Variants in ASAP2 observed in about 807,000 individuals in gnomAD.
ASAP2 encodes the protein arf-GAP with SH3 domain, ANK repeat and PH domain-containing protein 2.
ASAP2 carries 45 observed loss-of-function variants against 131.4 expected under a neutral mutation model. The observed-to-expected ratio is 0.34, with a 90% confidence interval of 0.27 to 0.44. The LOEUF (loss-of-function observed/expected upper bound fraction) is 0.44, where lower values mean the gene tolerates loss of function less well. Among genes scored for constraint, ASAP2 ranks in the 20% least tolerant of loss-of-function variants. ASAP2 has a pLI of 1.00. For missense variants in ASAP2, 1,011 were observed against 1,297.0 expected (o/e 0.78, Z 3.39); for synonymous variants, 510 against 503.0 (o/e 1.01, Z -0.19).
chr2:9,394,922 C>T (rs1424478667), intron 24 of ASAP2, among the ~76,000 whole-genome samples: 1 of 152,158 alleles, frequency 6.6e-6, no homozygotes, highest in Non-Finnish European at 1.5e-5. Context: ...CTCTTCACGC[C>T]CCCCGTGGTA....
chr2:9,263,796 A>G (rs62121272), intron 1 of ASAP2, among the ~76,000 whole-genome samples: 2,847 of 152,294 alleles, frequency 0.019, 28 homozygotes, highest in Non-Finnish European at 0.029. Flanking sequence ...CACTTCAGGC[A>G]CAGTTGACGG....
chr2:9,221,712 C>A (rs1042534712), intron 1 of ASAP2, among the ~76,000 whole-genome samples: 4 of 151,998 alleles, frequency 2.6e-5, no homozygotes, highest in Non-Finnish European at 2.9e-5. Flanking sequence ...TATGTGTATT[C>A]CTTAGGATTT....
rs74450979 is a variant in ASAP2, at chr2:9,350,598, T to G, written c.1024-210T>G. The G allele has an allele frequency of 1.5e-3, 726 of 473,146 alleles. 4 individuals are homozygous for G. The highest frequency in any genetic ancestry group is 0.013 in the African/African-American group (659 of 52,150). The allele number at this position is 473,146 out of a possible 1,614,324, so 29.3% of individuals were successfully genotyped here. A position where few individuals can be genotyped will look rare whatever the true frequency, so the allele number is the denominator to read the frequency against. On this transcript the variant is annotated intron_variant, in intron 11 of 27. Coordinates refer to ENST00000281419, the MANE Select transcript of ASAP2 (RefSeq NM_003887.3). ...TTTGTGTAGACCACCAAGGTGCCCT[T>G]GCAGGGAGGCAGTTGCCCTCTGTGG...
At chr2:9,391,026 G>A in intron 22 of ASAP2, 36 bp from the exon 23 acceptor site, 2 of 1,613,788 alleles carry the variant, frequency 1.2e-6, no homozygotes, top group Non-Finnish European at 1.7e-6. Context: ...GTGTATGTGT[G>A]CGTGCATGCG....
At chr2:9,272,001 A>C (rs2148267609) in intron 1 of ASAP2, among the ~76,000 whole-genome samples, 1 of 152,166 alleles carries the variant, frequency 6.6e-6, no homozygotes, top group Non-Finnish European at 1.5e-5. Context: ...GCCATTGTGA[A>C]CAGTGCTGCA....
At chr2:9,208,807 A>C (rs1661331165) in intron 1 of ASAP2, among the ~76,000 whole-genome samples, 2 of 152,224 alleles carry the variant, frequency 1.3e-5, no homozygotes, top group South Asian at 4.1e-4. Flanking sequence ...TGTTTATGGA[A>C]TGATTGCAAC....
chr2:9,323,730 C>CGG (rs1273385550), intron 6 of ASAP2, among the ~76,000 whole-genome samples: 1 of 152,114 alleles, frequency 6.6e-6, no homozygotes. Flanking sequence ...CCTGCTCAGG[C>CGG]GGGGGCACTC....
At chr2:9,358,218 CT>C (rs1340869472) in intron 14 of ASAP2, among the ~76,000 whole-genome samples, 1 of 152,224 alleles carries the variant, frequency 6.6e-6, no homozygotes, top group African/African-American at 2.4e-5. Context: ...CAAAAGTGCT[CT>C]GTGATTGCTG....
At chr2:9,359,924 C>T (rs1410983123) in intron 15 of ASAP2, among the ~76,000 whole-genome samples, 1 of 152,202 alleles carries the variant, frequency 6.6e-6, no homozygotes, top group African/African-American at 2.4e-5. Context: ...CTAAGCTAGA[C>T]TCACTTAAAA....
At chr2:9,347,538 G>A (rs1396567537) in intron 11 of ASAP2, among the ~76,000 whole-genome samples, 3 of 152,198 alleles carry the variant, frequency 2.0e-5, no homozygotes, top group Admixed American at 1.3e-4. Flanking sequence ...CACACAGGGT[G>A]TATTTACACT....
rs1394971935 is a variant in ASAP2, at chr2:9,232,803, G to A, written c.126+25573G>A. Among the ~76,000 whole-genome samples the A allele has an allele frequency of 2.6e-5, 4 of 152,180 alleles. No homozygotes were observed. The highest frequency in any genetic ancestry group is 5.9e-5 in the Non-Finnish European group (4 of 68,036). On this transcript the variant is annotated intron_variant, in intron 1 of 27. Transcript: ENST00000281419. The surrounding 1 kb of genome is among the most constrained non-coding windows in gnomAD (Gnocchi z 4.1). Reference sequence around the variant, plus strand: ...TAGAAAGCTTGTTTCTCTGGCCATGGGGACTTGATTCTTAGAGGGTAATGG... The same window carrying A: ...TAGAAAGCTTGTTTCTCTGGCCATGAGGACTTGATTCTTAGAGGGTAATGG...
In ASAP2 at chr2:9,400,814, C is replaced by T; in HGVS notation, c.2807C>T (p.Pro936Leu). Residue 936 changes from proline (P) to leucine (L), a missense_variant, in exon 26 of 28, where the codon CCT becomes CTT. By Grantham distance (98) the Pro-to-Leu change is moderately conservative. Transcript: ENST00000281419. Reference sequence around the variant, plus strand: ...GTCCTGCAGCCCCCTGCACCCATGCCTAGGAAGTCGCAGGCAGTAAGTGAC... The same window carrying T: ...GTCCTGCAGCCCCCTGCACCCATGCTTAGGAAGTCGCAGGCAGTAAGTGAC... ...AMVLQPPAPM[P>L]RKSQATKLKP... 1 of 1,613,556 alleles carries T rather than the reference C, an allele frequency of 6.2e-7. No homozygotes were observed.
intron 11 of ASAP2, 28 bp from the exon 12 acceptor site, chr2:9,350,780 T>A (rs749316058): frequency 3.1e-6 from 5 of 1,599,414 alleles, no homozygotes; most frequent in Non-Finnish European, 4.3e-6. Context: ...AACCCCAACC[T>A]TTTTTGTTGT....
At chr2:9,367,208 A>C (rs1341387566) in intron 15 of ASAP2, among the ~76,000 whole-genome samples, 1 of 151,098 alleles carries the variant, frequency 6.6e-6, no homozygotes, top group African/African-American at 2.4e-5. Flanking sequence ...TTTCTTTTGT[A>C]TTTTAGTAGA....
In ASAP2 at chr2:9,224,430, G is replaced by A. The variant is rs185062615; in HGVS notation, c.126+17200G>A. Among the ~76,000 whole-genome samples the A allele has an allele frequency of 5.9e-4, 90 of 152,266 alleles. 1 individual carries two copies. Among genetic ancestry groups the A allele is most frequent in the African/African-American group, 2.0e-3 (82 of 41,562 alleles). ...AATTCTCAGAAAATGTTTGTTGATT[G>A]TCAAGGTCCAGCTAATCTTGTTGAT... On this transcript the variant is annotated intron_variant, in intron 1 of 27. Coordinates refer to ENST00000281419, the MANE Select transcript of ASAP2 (RefSeq NM_003887.3).
At chr2:9,367,477 C>T (rs901254328) in intron 15 of ASAP2, among the ~76,000 whole-genome samples, 4 of 152,144 alleles carry the variant, frequency 2.6e-5, no homozygotes, top group Non-Finnish European at 2.9e-5. Flanking sequence ...AGAATCTGAC[C>T]TGGCCAGGCG....
In ASAP2 at chr2:9,405,671, TA is replaced by T. The variant is rs1184424646; in HGVS notation, c.*2347del. ...TGACTGGAAAAAAATAAAATACTTT[TA>T]AATGGACATGGTTTTATTTTTAATG... is the stretch of plus-strand genomic sequence containing the variant. On this transcript the variant is annotated 3_prime_UTR_variant, in exon 28 of 28. Coordinates refer to ENST00000281419, the MANE Select transcript of ASAP2 (RefSeq NM_003887.3). 1 of 152,680 alleles carries T rather than the reference TA, an allele frequency of 6.5e-6. No individual in the cohort carries two copies. The highest frequency in any genetic ancestry group is 1.5e-5 in the Non-Finnish European group (1 of 68,038). 9.5% of individuals were successfully genotyped at this position (152,680 alleles called of 1,614,324 possible).
At chr2:9,272,138 G>A (rs1388703305) in intron 1 of ASAP2, among the ~76,000 whole-genome samples, 2 of 152,114 alleles carry the variant, frequency 1.3e-5, no homozygotes, top group African/African-American at 4.8e-5. Flanking sequence ...CCTCCATACT[G>A]TTCTCCATAG....
At chr2:9,301,723 C>CATGAG (rs1214428329) in intron 3 of ASAP2, among the ~76,000 whole-genome samples, 2 of 151,926 alleles carry the variant, frequency 1.3e-5, no homozygotes, top group African/African-American at 4.8e-5. Flanking sequence ...AGAGTTGCAG[C>CATGAG]ATGAGATCTG....
Sources: gnomAD v4.1 joint callset for allele counts (sites outside exome capture counted in the v4.1 genomes callset) on GRCh38, gnomAD v4.1.1 for gene constraint, Gnocchi (gnomAD v3.1) non-coding constraint, MANE v1.5 for transcripts, NCBI Gene and HGNC (gene_info 2026-07-23, HGNC 2026-07-21) for gene names.